Variants in RNFT2 observed in about 807,000 individuals in gnomAD.
RNFT2 encodes the protein E3 ubiquitin-protein ligase RNFT2.
Under a neutral mutation model 53.0 loss-of-function variants are expected in RNFT2, and 36 were observed. The observed-to-expected ratio is 0.68, with a 90% CI of 0.52 to 0.90. The LOEUF (loss-of-function observed/expected upper bound fraction) is 0.90. Among genes scored for constraint, RNFT2 ranks in the 40% least tolerant of loss-of-function variants. The pLI, the probability that RNFT2 is intolerant of heterozygous loss-of-function variation, is 0.00. For missense variants in RNFT2, 514 were observed against 585.6 expected, an observed-to-expected ratio of 0.88 and a Z score of 1.26; for synonymous variants, 260 against 253.2, an observed-to-expected ratio of 1.03 and a Z score of -0.26.
chr12:116,819,630 AG>A (rs1203579047), intron 7 of RNFT2, among the ~76,000 whole-genome samples: 1 of 152,148 alleles, frequency 6.6e-6, no homozygotes, highest in East Asian at 1.9e-4. Flanking sequence ...CGTCACCGGC[AG>A]CACCCGTTGC....
intron 10 of RNFT2, among the ~76,000 whole-genome samples, chr12:116,845,589 A>C (rs755921068): frequency 1.2e-4 from 18 of 152,084 alleles, no homozygotes; most frequent in Non-Finnish European, 2.2e-4. Context: ...CCATGGGTTG[A>C]AGGTCATGTG....
intron 2 of RNFT2, 98 bp from the exon 3 acceptor site, chr12:116,740,938 T>C (rs927827223): frequency 2.0e-6 from 2 of 998,178 alleles, no homozygotes; most frequent in Admixed American, 2.0e-5. Context: ...GGGTCTAAGA[T>C]ACGACTAGTG....
chr12:116,786,677 C>T (rs1873950895), intron 7 of RNFT2, among the ~76,000 whole-genome samples: 1 of 152,192 alleles, frequency 6.6e-6, no homozygotes, highest in South Asian at 2.1e-4. Flanking sequence ...CTATTAGTTT[C>T]CTGTGGTTGC....
chr12:116,797,608 G>A (rs1390304739), intron 7 of RNFT2, among the ~76,000 whole-genome samples: 1 of 152,058 alleles, frequency 6.6e-6, no homozygotes, highest in Non-Finnish European at 1.5e-5. Flanking sequence ...GCCCCAAAGA[G>A]GGGCTTAGAC....
intron 7 of RNFT2, among the ~76,000 whole-genome samples, chr12:116,803,932 AGAAGGCC>A (rs1263467246): frequency 6.6e-6 from 1 of 152,250 alleles, no homozygotes; most frequent in Non-Finnish European, 1.5e-5. Flanking sequence ...GGACCCAGTC[AGAAGGCC>A]TCACCTAACA....
intron 4 of RNFT2, among the ~76,000 whole-genome samples, chr12:116,750,896 A>C (rs1199565867): frequency 1.3e-4 from 1 of 7,726 alleles, no homozygotes; most frequent in African/African-American, 4.1e-4. Context: ...TATATAATAT[A>C]TATATATATA....
intron 1 of RNFT2, among the ~76,000 whole-genome samples, chr12:116,738,852 T>C (rs1033456484): frequency 6.6e-6 from 1 of 152,178 alleles, no homozygotes; most frequent in Admixed American, 6.5e-5. Context: ...ATATGAATTT[T>C]ATTTTCCCCC....
At chr12:116,764,352 A>ATT (rs552245723) in intron 5 of RNFT2, among the ~76,000 whole-genome samples, 1 of 150,826 alleles carries the variant, frequency 6.6e-6, no homozygotes, top group African/African-American at 2.4e-5. Flanking sequence ...TATGGAAATA[A>ATT]TTTTTTTTTT....
chr12:116,822,674 T>C (rs1876107092), intron 7 of RNFT2, among the ~76,000 whole-genome samples: 1 of 151,988 alleles, frequency 6.6e-6, no homozygotes, highest in African/African-American at 2.4e-5. Context: ...AACAGAGACA[T>C]CTGAGCTGAG....
At chr12:116,742,014 G>A (rs146819064) in intron 3 of RNFT2, among the ~76,000 whole-genome samples, 16 of 152,210 alleles carry the variant, frequency 1.1e-4, no homozygotes, top group Non-Finnish European at 2.1e-4. Flanking sequence ...GAAACAACAC[G>A]GAGAGGCTAA....
At chr12:116,781,506 C>T (rs1164196270) in intron 7 of RNFT2, among the ~76,000 whole-genome samples, 2 of 152,098 alleles carry the variant, frequency 1.3e-5, no homozygotes, top group Non-Finnish European at 2.9e-5. Context: ...GGTTTTACTG[C>T]GGTGAAAACA....
At position 116,851,121 on chromosome 12, in the gene RNFT2, G is replaced by A. The variant is rs1453165174; in HGVS notation, c.*1673G>A. The A allele has an allele frequency of 6.6e-6, 1 of 152,170 alleles. No homozygotes were observed. The highest frequency in any genetic ancestry group is 1.5e-5 in the Non-Finnish European group (1 of 68,154). 9.4% of individuals were successfully genotyped at this position (152,170 alleles called of 1,614,324 possible). On this transcript the variant is annotated 3_prime_UTR_variant, in exon 11 of 11. Coordinates refer to ENST00000257575, the MANE Select transcript of RNFT2 (RefSeq NM_001382266.1). The stretch of plus-strand genomic sequence containing the variant: ...CCTGTTTTATAGATGAGGAAACTTG[G>A]GCACAGAGCTTGGTGCGGTAACTTT...
intron 5 of RNFT2, among the ~76,000 whole-genome samples, chr12:116,757,340 G>T (rs1872547646): frequency 6.6e-6 from 1 of 151,826 alleles, no homozygotes; most frequent in Non-Finnish European, 1.5e-5. Context: ...CTCTGATCTT[G>T]GTTATTTCCT....
chr12:116,809,599 G>A (rs768868109), intron 7 of RNFT2, among the ~76,000 whole-genome samples: 5 of 152,148 alleles, frequency 3.3e-5, no homozygotes, highest in Non-Finnish European at 7.4e-5. Flanking sequence ...CAGACATCCC[G>A]GAGGTCTCTC....
chr12:116,749,317 G>A lies in RNFT2; in HGVS notation c.84-524G>A, dbSNP rs906022715. ...CCCCTTTTGAGACAGGCTCTCTGTC[G>A]CCCAGGCTGGAGTGCAGTGGCGAGA... On this transcript the variant is annotated intron_variant, in intron 3 of 10. Coordinates refer to ENST00000257575, the MANE Select transcript of RNFT2 (RefSeq NM_001382266.1). Among the ~76,000 whole-genome samples the A allele has an allele frequency of 4.0e-5, 5 of 124,066 alleles. No individual in the cohort carries two copies. The South Asian group carries it at 1.3e-3, about 32-fold the overall frequency. The allele number at this position is 124,066 out of a possible 152,430, so 81.4% of individuals were successfully genotyped here.
chr12:116,750,635 C>G (rs1348596647), intron 4 of RNFT2, among the ~76,000 whole-genome samples: 3 of 151,256 alleles, frequency 2.0e-5, no homozygotes, highest in African/African-American at 4.9e-5. Context: ...AGCTCTGTCC[C>G]CTCCTAGTTG....
At chr12:116,779,371 A>G (rs901862755) in intron 7 of RNFT2, 23 bp downstream of exon 7, 1 of 1,613,492 alleles carries the variant, frequency 6.2e-7, no homozygotes, top group East Asian at 2.2e-5. Context: ...TGCGGCCACA[A>G]GGTAGCCCCA....
rs199672654 is a variant in RNFT2, at chr12:116,754,105, T to A, written c.627+45T>A. ...AGTCTCCTGTGGCTGCTGCAACAAA[T>A]AAGCCACAAGCCAGGCACAGTCTTC... On this transcript the variant is annotated intron_variant, in intron 5 of 10. Coordinates refer to ENST00000257575, the MANE Select transcript of RNFT2 (RefSeq NM_001382266.1). 864 of 1,501,166 alleles carry A rather than the reference T, an allele frequency of 5.8e-4. 1 individual carries two copies. The highest frequency in any genetic ancestry group is 7.7e-4 in the Non-Finnish European group (826 of 1,079,016). 93.0% of individuals were successfully genotyped at this position (1,501,166 alleles called of 1,614,324 possible).
chr12:116,787,787 G>A (rs1196964857), intron 7 of RNFT2, among the ~76,000 whole-genome samples: 1 of 151,932 alleles, frequency 6.6e-6, no homozygotes, highest in Non-Finnish European at 1.5e-5. Context: ...GAGGAGGCAG[G>A]TGAGGCTTTG....
Sources: allele counts gnomAD v4.1 joint callset (sites outside exome capture counted in the v4.1 genomes callset), GRCh38; gene constraint gnomAD v4.1.1; transcripts MANE v1.5; gene names NCBI Gene and HGNC (gene_info 2026-07-23, HGNC 2026-07-21).